The following RBFOX1 variants were observed in gnomAD, a reference collection of about 807,000 sequenced individuals.
RBFOX1 encodes the protein RNA binding protein fox-1 homolog 1.
In RBFOX1, 8 loss-of-function variants were observed where a neutral mutation model predicts 57.7. The ratio of observed to expected loss-of-function variants is 0.14; its 90% CI spans 0.08 to 0.25. The LOEUF (loss-of-function observed/expected upper bound fraction) is 0.25, where lower values mean the gene tolerates loss of function less well. Ranked by LOEUF, RBFOX1 falls within the 10% of genes least tolerant of loss-of-function variation. The pLI is 1.00. For synonymous variants in RBFOX1, 326 were observed against 222.4 expected (o/e 1.47, Z -4.15); for missense variants, 611 against 548.5 (o/e 1.11, Z -1.14).
At chr16:6,865,469 C>G (rs919431752) in intron 3 of RBFOX1, among the ~76,000 whole-genome samples, 1 of 152,112 alleles carries the variant, frequency 6.6e-6, no homozygotes, top group Non-Finnish European at 1.5e-5. Flanking sequence ...GCCCCACACA[C>G]CCAGGCACCT....
At chr16:5,586,654 A>T (rs1314940435) in intron 2 of RBFOX1, among the ~76,000 whole-genome samples, 2 of 151,968 alleles carry the variant, frequency 1.3e-5, no homozygotes, top group Non-Finnish European at 2.9e-5. Context: ...GTGCTACCAC[A>T]CTCATCTAAT....
chr16:6,314,017 A>G (rs1022005746), intron 1 of RBFOX1, among the ~76,000 whole-genome samples: 2 of 152,146 alleles, frequency 1.3e-5, no homozygotes, highest in Non-Finnish European at 2.9e-5. Context: ...AGGGGCTATA[A>G]AATTCATTTC....
chr16:6,340,102 G>A (rs2152824708), intron 2 of RBFOX1, among the ~76,000 whole-genome samples: 1 of 152,272 alleles, frequency 6.6e-6, no homozygotes, highest in South Asian at 2.1e-4. Context: ...GGAACAAAGT[G>A]CAGCCTGATT....
chr16:6,787,515 G>C (rs910293241), intron 3 of RBFOX1, among the ~76,000 whole-genome samples: 1 of 152,070 alleles, frequency 6.6e-6, no homozygotes, highest in African/African-American at 2.4e-5. Flanking sequence ...CTGTATGCTG[G>C]GCAATAGAAA....
At chr16:5,938,673 C>G (rs764166853) in intron 4 of RBFOX1, among the ~76,000 whole-genome samples, 4 of 152,052 alleles carry the variant, frequency 2.6e-5, no homozygotes, top group Non-Finnish European at 4.4e-5. Flanking sequence ...GTCATTTTTT[C>G]TTTGTCATTT....
chr16:7,205,185 G>C (rs1482704465), intron 4 of RBFOX1, among the ~76,000 whole-genome samples: 2 of 152,072 alleles, frequency 1.3e-5, no homozygotes, highest in Non-Finnish European at 2.9e-5. Flanking sequence ...GATGAGGCTT[G>C]CTCGATGAAT....
At chr16:6,057,192 G>C (rs1197243021) in intron 1 of RBFOX1, 1 of 152,096 alleles carries the variant, frequency 6.6e-6, no homozygotes, top group Non-Finnish European at 1.5e-5. Flanking sequence ...TGGAGGCTAA[G>C]TACTAATGTT....
At chr16:7,348,172 A>C (rs1035347278) in intron 4 of RBFOX1, among the ~76,000 whole-genome samples, 9 of 152,244 alleles carry the variant, frequency 5.9e-5, no homozygotes, top group African/African-American at 1.9e-4. Flanking sequence ...AGCACAAACA[A>C]ACATACAGAG....
chr16:5,770,917 A>G (rs1377519235), intron 3 of RBFOX1, among the ~76,000 whole-genome samples: 1 of 152,156 alleles, frequency 6.6e-6, no homozygotes, highest in East Asian at 1.9e-4. Flanking sequence ...TAAGCAAGAC[A>G]GGCACAACCA....
chr16:6,492,799 T>C lies in RBFOX1; in HGVS notation c.-63-161804T>C, dbSNP rs191077714. 6.6e-5 allele frequency among the ~76,000 whole-genome samples: 10 copies of C among 152,268 alleles called. No individual in the cohort carries two copies. In the East Asian group the frequency reaches 1.9e-3, roughly 29 times the overall value. On this transcript the variant is annotated intron_variant, in intron 2 of 15. Transcript: ENST00000550418. ...GGATTTGCCTGGATGTAAAACTACA[T>C]CTAAGATGTTATGAGTGAGGAAGAG...
intron 1 of RBFOX1, among the ~76,000 whole-genome samples, chr16:6,210,653 G>C (rs1360025476): frequency 1.3e-5 from 2 of 152,008 alleles, no homozygotes; most frequent in African/African-American, 4.8e-5. Context: ...ACCCTGGAAG[G>C]TTGAGGCTGC....
intron 2 of RBFOX1, among the ~76,000 whole-genome samples, chr16:5,527,480 G>T (rs1391566214): frequency 6.6e-6 from 1 of 152,204 alleles, no homozygotes; most frequent in African/African-American, 2.4e-5. Flanking sequence ...GAGCTTCTCT[G>T]TGATTTAGAA....
At chr16:6,361,971 A>G (rs1894806489) in intron 2 of RBFOX1, among the ~76,000 whole-genome samples, 1 of 152,064 alleles carries the variant, frequency 6.6e-6, no homozygotes, top group African/African-American at 2.4e-5. Flanking sequence ...CTGTTCTATG[A>G]TTTGAAGATA....
chr16:7,513,131 CG>C (rs1457624392), intron 4 of RBFOX1, among the ~76,000 whole-genome samples: 1 of 152,024 alleles, frequency 6.6e-6, no homozygotes, highest in East Asian at 1.9e-4. Flanking sequence ...GTCATCATGG[CG>C]GGTGCCTGTA....
intron 3 of RBFOX1, among the ~76,000 whole-genome samples, chr16:5,611,719 T>TATCCATGCATCCATCC (rs376218128): frequency 2.6e-5 from 3 of 114,584 alleles, no homozygotes; most frequent in East Asian, 5.5e-4. Flanking sequence ...TCCATCCATC[T>TATCCATGCATCCATCC]ATCCATCCAT....
chr16:6,940,660 C>T (rs1404487655), intron 3 of RBFOX1, among the ~76,000 whole-genome samples: 4 of 152,184 alleles, frequency 2.6e-5, no homozygotes, highest in African/African-American at 9.6e-5. Context: ...TGGAGCGACG[C>T]GATCTCAGCT....
chr16:6,842,238 T>C (rs2093513279), intron 3 of RBFOX1, among the ~76,000 whole-genome samples: 1 of 152,140 alleles, frequency 6.6e-6, no homozygotes, highest in Non-Finnish European at 1.5e-5. Context: ...GAATAATACC[T>C]CTGACATGGT....
intron 1 of RBFOX1, among the ~76,000 whole-genome samples, chr16:5,306,531 C>T (rs1428512004): frequency 2.6e-5 from 4 of 152,068 alleles, no homozygotes; most frequent in Admixed American, 6.6e-5. Flanking sequence ...TGACCTTGAG[C>T]TCATGACCTC....
At chr16:6,280,088 G>A (rs558223713) in intron 1 of RBFOX1, among the ~76,000 whole-genome samples, 1 of 152,208 alleles carries the variant, frequency 6.6e-6, no homozygotes, top group East Asian at 1.9e-4. Context: ...AATACATTTT[G>A]GGGGTCGGGA....
Sources: allele counts gnomAD v4.1 joint callset (sites outside exome capture counted in the v4.1 genomes callset), GRCh38; gene constraint gnomAD v4.1.1; transcripts MANE v1.5; gene names NCBI Gene and HGNC (gene_info 2026-07-23, HGNC 2026-07-21).